THSD7B: variants seen among roughly 807,000 people sequenced by gnomAD.
THSD7B encodes the protein thrombospondin type 1 domain containing 7B.
Under a neutral mutation model 213.6 loss-of-function variants are expected in THSD7B, and 138 were observed. The observed-to-expected ratio is 0.65, with a 90% confidence interval of 0.56 to 0.74. The LOEUF (loss-of-function observed/expected upper bound fraction) is 0.74, where lower values mean the gene tolerates loss of function less well. Among genes scored for constraint, THSD7B ranks in the 30% least tolerant of loss-of-function variants. THSD7B has a pLI of 0.00. For synonymous variants in THSD7B, 742 were observed against 687.0 expected (o/e 1.08, Z -1.25); for missense variants, 1,931 against 1,991.5 (o/e 0.97, Z 0.58).
chr2:137,422,372 CT>C (rs1405103125), intron 14 of THSD7B, among the ~76,000 whole-genome samples: 1 of 152,084 alleles, frequency 6.6e-6, no homozygotes, highest in African/African-American at 2.4e-5. Context: ...TTTGCTATAT[CT>C]TGTTCATTTA....
At chr2:136,823,824 A>G (rs1346891877) in intron 1 of THSD7B, among the ~76,000 whole-genome samples, 2 of 152,186 alleles carry the variant, frequency 1.3e-5, no homozygotes, top group African/African-American at 4.8e-5. Flanking sequence ...GAAGATCTGG[A>G]TAAGTTTCTT....
At chr2:137,270,296 GCTA>G (rs1682703249) in intron 10 of THSD7B, among the ~76,000 whole-genome samples, 1 of 152,022 alleles carries the variant, frequency 6.6e-6, no homozygotes, top group Non-Finnish European at 1.5e-5. Context: ...AAGCCGGGGG[GCTA>G]CTGATGCAGC....
At chr2:137,396,662 T>G (rs1686198934) in intron 12 of THSD7B, among the ~76,000 whole-genome samples, 1 of 138,968 alleles carries the variant, frequency 7.2e-6, no homozygotes, top group African/African-American at 2.7e-5. Flanking sequence ...TGGAGAGTTC[T>G]GTAGATGTCT....
chr2:137,099,878 G>A lies in THSD7B; in HGVS notation c.1199+4757G>A, dbSNP rs187520099. ...CTCTGGTCCGGCACTGAATAGATGC[G>A]CTCTTTTATTTCATCCTGCCTTGTT... is the stretch of plus-strand genomic sequence containing the variant. On this transcript the variant is annotated intron_variant, in intron 4 of 27. Coordinates refer to ENST00000409968, the MANE Select transcript of THSD7B (RefSeq NM_001316349.2). Among the ~76,000 whole-genome samples, 50 of 152,184 alleles carry A rather than the reference G, an allele frequency of 3.3e-4. 1 individual carries two copies. In the South Asian group the frequency reaches 6.9e-3, roughly 21 times the overall value.
intron 2 of THSD7B, among the ~76,000 whole-genome samples, chr2:136,979,417 T>G (rs1190058296): frequency 6.6e-6 from 1 of 152,190 alleles, no homozygotes; most frequent in Non-Finnish European, 1.5e-5. Context: ...CCCTGTCTCT[T>G]TCAGGTACCT....
intron 12 of THSD7B, among the ~76,000 whole-genome samples, chr2:137,286,535 A>T (rs1209829005): frequency 1.3e-5 from 2 of 152,134 alleles, no homozygotes; most frequent in African/African-American, 4.8e-5. Context: ...TAGTCACTTA[A>T]CGTTTGAGCT....
chr2:137,131,471 T>C (rs1306321206), intron 5 of THSD7B, among the ~76,000 whole-genome samples: 1 of 152,198 alleles, frequency 6.6e-6, no homozygotes, highest in African/African-American at 2.4e-5. Context: ...ATGTCCTGAA[T>C]GGTAATGCCT....
At chr2:137,105,462 A>C (rs183913887) in intron 4 of THSD7B, among the ~76,000 whole-genome samples, 6 of 152,334 alleles carry the variant, frequency 3.9e-5, no homozygotes, top group Non-Finnish European at 7.3e-5. Flanking sequence ...CTGAACGAGC[A>C]AAAACTGGAA....
At chr2:137,018,911 T>G (rs1400284868) in intron 2 of THSD7B, among the ~76,000 whole-genome samples, 3 of 152,166 alleles carry the variant, frequency 2.0e-5, no homozygotes, top group African/African-American at 7.2e-5. Flanking sequence ...CTCTGCAAAT[T>G]TACTGTTTTG....
chr2:137,348,431 T>C lies in THSD7B; in HGVS notation c.2501-57182T>C, dbSNP rs142470177. Among the ~76,000 whole-genome samples the C allele has an allele frequency of 2.0e-5, 3 of 151,854 alleles. No homozygotes were observed. In the East Asian group the frequency reaches 5.8e-4, roughly 30 times the overall value. On this transcript the variant is annotated intron_variant, in intron 12 of 27. Transcript: ENST00000409968. ...TATGCCCTCGATATGCAGTGTTCAA[T>C]CCATTTTGTTGGCCTTTTATCATTT...
intron 15 of THSD7B, among the ~76,000 whole-genome samples, chr2:137,507,517 A>C (rs1679863351): frequency 1.3e-5 from 2 of 152,200 alleles, no homozygotes. Context: ...TTTAAACTGC[A>C]TGAAGTCATA....
intron 15 of THSD7B, among the ~76,000 whole-genome samples, chr2:137,557,738 G>C (rs1681008806): frequency 6.6e-6 from 1 of 152,118 alleles, no homozygotes; most frequent in African/African-American, 2.4e-5. Flanking sequence ...AGGACATAGA[G>C]ACACAAAAAA....
At chr2:137,026,621 T>C (rs184782266) in intron 2 of THSD7B, among the ~76,000 whole-genome samples, 19 of 152,284 alleles carry the variant, frequency 1.2e-4, no homozygotes, top group Non-Finnish European at 2.8e-4. Context: ...TTCTTATGTA[T>C]CCTTCTTGAG....
At chr2:136,926,718 A>G (rs1474567263) in intron 2 of THSD7B, among the ~76,000 whole-genome samples, 1 of 149,994 alleles carries the variant, frequency 6.7e-6, no homozygotes, top group Non-Finnish European at 1.5e-5. Flanking sequence ...AAAAAAAAAC[A>G]CAAAAAACAG....
intron 27 of THSD7B, among the ~76,000 whole-genome samples, chr2:137,674,993 CATTTTA>C (rs1433264319): frequency 6.6e-6 from 1 of 152,156 alleles, no homozygotes; most frequent in Non-Finnish European, 1.5e-5. Context: ...TCCCTACAAC[CATTTTA>C]ATTTTATCAA....
intron 12 of THSD7B, among the ~76,000 whole-genome samples, chr2:137,397,273 AT>A (rs1445847604): frequency 2.6e-5 from 4 of 152,052 alleles, no homozygotes; most frequent in Non-Finnish European, 5.9e-5. Context: ...TGTTCTTTAC[AT>A]TTGGGCATGA....
chr2:137,246,453 TTTATGGGACCA>T, intron 10 of THSD7B, among the ~76,000 whole-genome samples: 1 of 152,298 alleles, frequency 6.6e-6, no homozygotes, highest in South Asian at 2.1e-4. Flanking sequence ...GCCAAGGTTG[TTTATGGGACCA>T]AGTGCACCAG....
At chr2:137,398,272 G>GT (rs1385398247) in intron 12 of THSD7B, among the ~76,000 whole-genome samples, 5 of 148,288 alleles carry the variant, frequency 3.4e-5, no homozygotes, top group East Asian at 2.0e-4. Context: ...TTTCTGTTCT[G>GT]TTTTTTCCCC....
chr2:137,069,472 CT>C (rs1018928264), intron 3 of THSD7B, among the ~76,000 whole-genome samples: 1 of 151,940 alleles, frequency 6.6e-6, no homozygotes, highest in Non-Finnish European at 1.5e-5. Flanking sequence ...TTTACTTTTA[CT>C]TTGATAGAGA....
Sources: gnomAD v4.1 joint callset for allele counts (sites outside exome capture counted in the v4.1 genomes callset) on GRCh38, gnomAD v4.1.1 for gene constraint, MANE v1.5 for transcripts, NCBI Gene and HGNC (gene_info 2026-07-23, HGNC 2026-07-21) for gene names.